PPP2R2A: variants seen among roughly 807,000 people sequenced by gnomAD.
PPP2R2A encodes the protein protein phosphatase 2 regulatory subunit Balpha.
In PPP2R2A, 9 loss-of-function variants were observed where a neutral mutation model predicts 53.2. The ratio of observed to expected loss-of-function variants is 0.17; its 90% CI spans 0.10 to 0.30. The LOEUF (loss-of-function observed/expected upper bound fraction) is 0.30, where lower values mean the gene tolerates loss of function less well. Ranked by LOEUF, PPP2R2A falls within the 10% of genes least tolerant of loss-of-function variation. The pLI is 1.00. For synonymous variants in PPP2R2A, 169 were observed against 174.2 expected, an observed-to-expected ratio of 0.97 and a Z score of 0.23; for missense variants, 235 against 534.6, an observed-to-expected ratio of 0.44 and a Z score of 5.53.
At chr8:26,339,678 C>A (rs978969942) in intron 3 of PPP2R2A, among the ~76,000 whole-genome samples, 3 of 152,098 alleles carry the variant, frequency 2.0e-5, no homozygotes, top group African/African-American at 7.2e-5. Context: ...TATTCATTCT[C>A]TCCTTCCATT....
chr8:26,300,276 A>G (rs1344221755), intron 2 of PPP2R2A, among the ~76,000 whole-genome samples: 1 of 152,210 alleles, frequency 6.6e-6, no homozygotes, highest in Non-Finnish European at 1.5e-5. Context: ...ATTGTGGAAT[A>G]AGCAGAATGA....
At chr8:26,359,277 C>A (rs1214437299) in intron 4 of PPP2R2A, among the ~76,000 whole-genome samples, 1 of 152,108 alleles carries the variant, frequency 6.6e-6, no homozygotes, top group Non-Finnish European at 1.5e-5. Flanking sequence ...TGACTAAATG[C>A]AGTGTTGTTT....
At chr8:26,349,475 C>T (rs1373894608) in intron 3 of PPP2R2A, among the ~76,000 whole-genome samples, 3 of 152,148 alleles carry the variant, frequency 2.0e-5, no homozygotes, top group Non-Finnish European at 4.4e-5. Flanking sequence ...TCTGAGGTCC[C>T]ATTTTCAGTT....
At chr8:26,313,934 C>G (rs993627569) in intron 2 of PPP2R2A, among the ~76,000 whole-genome samples, 1 of 152,196 alleles carries the variant, frequency 6.6e-6, no homozygotes, top group Admixed American at 6.5e-5. Flanking sequence ...TAATTTGTTA[C>G]AGCAGCCATA....
chr8:26,319,726 AT>A (rs201283700), intron 2 of PPP2R2A, among the ~76,000 whole-genome samples: 1 of 151,522 alleles, frequency 6.6e-6, no homozygotes. Flanking sequence ...ATTAGGGTGG[AT>A]TTTTTTTTAT....
At chr8:26,305,189 A>G (rs573821098) in intron 2 of PPP2R2A, among the ~76,000 whole-genome samples, 3 of 152,214 alleles carry the variant, frequency 2.0e-5, no homozygotes, top group Non-Finnish European at 4.4e-5. Context: ...TGACTGGCTT[A>G]TTTCATAATG....
In PPP2R2A at chr8:26,353,093, T is replaced by C. The variant is rs76128797; in HGVS notation, c.181-1375T>C. Among the ~76,000 whole-genome samples the C allele has an allele frequency of 2.7e-3, 413 of 152,306 alleles. 2 individuals are homozygous for C. The highest frequency in any genetic ancestry group is 9.5e-3 in the African/African-American group (394 of 41,564). ...TAATGATAAATTTTGTGAGACTGGGTGAGTCATTTTAGGTAAAAGATTTGT... is the reference window on the plus strand; with the variant it reads ...TAATGATAAATTTTGTGAGACTGGGCGAGTCATTTTAGGTAAAAGATTTGT... On this transcript the variant is annotated intron_variant, in intron 3 of 9. Transcript: ENST00000380737.
chr8:26,312,096 CAG>C (rs1350394705), intron 2 of PPP2R2A, among the ~76,000 whole-genome samples: 7 of 152,170 alleles, frequency 4.6e-5, no homozygotes, highest in Non-Finnish European at 7.3e-5. Flanking sequence ...AATCTTTTAT[CAG>C]AGTTTCAAGT....
At chr8:26,311,175 A>C (rs371934297) in intron 2 of PPP2R2A, among the ~76,000 whole-genome samples, 41 of 152,338 alleles carry the variant, frequency 2.7e-4, no homozygotes, top group African/African-American at 8.7e-4. Flanking sequence ...TAGAGGATTA[A>C]ATATACATGA....
At chr8:26,335,941 ATG>A (rs1473786421) in intron 2 of PPP2R2A, among the ~76,000 whole-genome samples, 7 of 152,352 alleles carry the variant, frequency 4.6e-5, no homozygotes, top group Non-Finnish European at 8.8e-5. Context: ...ATTGGAGCAA[ATG>A]TCTTGTTTCT....
At chr8:26,335,015 A>G (rs1328432139) in intron 2 of PPP2R2A, among the ~76,000 whole-genome samples, 1 of 152,140 alleles carries the variant, frequency 6.6e-6, no homozygotes, top group Non-Finnish European at 1.5e-5. Flanking sequence ...CGATGTTTGT[A>G]TGGCACACTG....
chr8:26,336,462 C>G (rs527793668), intron 2 of PPP2R2A, among the ~76,000 whole-genome samples: 1 of 152,108 alleles, frequency 6.6e-6, no homozygotes, highest in South Asian at 2.1e-4. Context: ...ATGTGCCTTC[C>G]CACCCCACCC....
intron 6 of PPP2R2A, among the ~76,000 whole-genome samples, chr8:26,361,818 G>C (rs1338995873): frequency 6.6e-6 from 1 of 151,446 alleles, no homozygotes. Context: ...AACATTAGCC[G>C]GGCATGGTGG....
At chr8:26,337,119 A>G (rs373999572) in intron 2 of PPP2R2A, among the ~76,000 whole-genome samples, 14 of 152,194 alleles carry the variant, frequency 9.2e-5, no homozygotes, top group East Asian at 5.8e-4. Flanking sequence ...TGAGTTGAAC[A>G]GGAGAATGAG....
At chr8:26,329,812 T>A (rs910631000) in intron 2 of PPP2R2A, among the ~76,000 whole-genome samples, 1 of 152,226 alleles carries the variant, frequency 6.6e-6, no homozygotes, top group Non-Finnish European at 1.5e-5. Flanking sequence ...AAGGGAATGT[T>A]ATACTTTGAA....
At chr8:26,298,580 T>C (rs1801643679) in intron 2 of PPP2R2A, 1 of 152,266 alleles carries the variant, frequency 6.6e-6, no homozygotes, top group Admixed American at 6.5e-5. Context: ...GAACCAGTAG[T>C]GCTCTGCAGT....
At chr8:26,307,374 G>A (rs1051406321) in intron 2 of PPP2R2A, among the ~76,000 whole-genome samples, 1 of 152,178 alleles carries the variant, frequency 6.6e-6, no homozygotes, top group Admixed American at 6.5e-5. Flanking sequence ...TGTGTAAAGT[G>A]ATCGGTTCAT....
In PPP2R2A at chr8:26,291,618, GA is replaced by G; in HGVS notation, c.-200del. 2 of 583,824 alleles carry G rather than the reference GA, an allele frequency of 3.4e-6. No individual in the cohort carries two copies. Among genetic ancestry groups the G allele is most frequent in the Non-Finnish European group, 6.0e-6 (2 of 333,044 alleles). The allele number at this position is 583,824 out of a possible 1,614,324, so 36.2% of individuals were successfully genotyped here. On this transcript the variant is annotated 5_prime_UTR_variant, in exon 1 of 10. Transcript: ENST00000380737. ...CTGCCGGAGAAAGAGCACGAGCGGG[GA>G]AGCCCCAGAGTGAAATCTAGCATCC...
rs1480932282 is a variant in PPP2R2A at position 26,329,494 on chromosome 8, T to C, written c.83-9396T>C. Among the ~76,000 whole-genome samples the C allele has an allele frequency of 3.9e-5, 6 of 152,300 alleles. No homozygotes were observed. In the South Asian group the frequency reaches 1.2e-3, roughly 32 times the overall value. The stretch of plus-strand genomic sequence containing the variant: ...ATTCTCACCATACCTTTTATCTACC[T>C]ACCTGCATAGTACAAAACCCCCTTT... On this transcript the variant is annotated intron_variant, in intron 2 of 9. Transcript: ENST00000380737.
Sources: allele counts gnomAD v4.1 joint callset (sites outside exome capture counted in the v4.1 genomes callset), GRCh38; gene constraint gnomAD v4.1.1; transcripts MANE v1.5; gene names NCBI Gene and HGNC (gene_info 2026-07-23, HGNC 2026-07-21).